Variants in NEK1 observed in about 807,000 individuals in gnomAD.
The protein encoded by NEK1 is serine/threonine-protein kinase Nek1.
A neutral mutation model predicts 182.1 loss-of-function variants in NEK1; 137 were observed. The ratio of observed to expected loss-of-function variants is 0.75; its 90% CI spans 0.65 to 0.87. NEK1 has a LOEUF of 0.87. NEK1 is among the 40% of genes least tolerant of loss of function. NEK1 has a pLI of 0.00. For synonymous variants in NEK1, 513 were observed against 492.2 expected, an observed-to-expected ratio of 1.04 and a Z score of -0.56; for missense variants, 1,391 against 1,494.4, an observed-to-expected ratio of 0.93 and a Z score of 1.14.
chr4:169,553,107 T>C (rs1037496557), intron 18 of NEK1, among the ~76,000 whole-genome samples: 5 of 152,148 alleles, frequency 3.3e-5, no homozygotes, highest in East Asian at 1.9e-4. Context: ...AGAACCGGAA[T>C]AGCCAACTCA....
At chr4:169,457,584 G>T (rs564515445) in intron 27 of NEK1, among the ~76,000 whole-genome samples, 2 of 150,388 alleles carry the variant, frequency 1.3e-5, no homozygotes, top group Non-Finnish European at 3.0e-5. Context: ...AGACTCCATT[G>T]CTGTTAGAAA....
chr4:169,426,069 A>G (rs1231859341), intron 30 of NEK1, 77 bp downstream of exon 30: 1 of 1,031,890 alleles, frequency 9.7e-7, no homozygotes, highest in Non-Finnish European at 1.5e-6. Context: ...TTTATATATT[A>G]CCCAAATAAA....
chr4:169,479,358 A>G, intron 24 of NEK1, 45 bp downstream of exon 24: 1 of 1,554,894 alleles, frequency 6.4e-7, no homozygotes, highest in Non-Finnish European at 8.7e-7. Context: ...TTTCCTTTTA[A>G]ATAATCTTTT....
At position 169,401,645 on chromosome 4, in the gene NEK1, C is replaced by A; in HGVS notation, c.3583+7G>T. 1.9e-6 allele frequency: 3 copies of A among 1,611,156 alleles called. No individual in the cohort carries two copies. Among genetic ancestry groups the A allele is most frequent in the Non-Finnish European group, 2.5e-6 (3 of 1,177,782 alleles). ...AAAGAAAAAGGTCCAAAACTCTGAT[C>A]ATGCACCTGAGTGCCATTCTTCGTT... On this transcript the variant is annotated splice_region_variant and intron_variant, in intron 33 of 35. Coordinates refer to ENST00000507142, the MANE Select transcript of NEK1 (RefSeq NM_001199397.3).
At chr4:169,444,769 C>A (rs1274511779) in intron 27 of NEK1, among the ~76,000 whole-genome samples, 2 of 152,190 alleles carry the variant, frequency 1.3e-5, no homozygotes, top group Non-Finnish European at 2.9e-5. Flanking sequence ...CAGACATCTA[C>A]AGAACACATC....
At chr4:169,435,633 G>T (rs1476764373) in intron 28 of NEK1, among the ~76,000 whole-genome samples, 1 of 152,150 alleles carries the variant, frequency 6.6e-6, no homozygotes, top group African/African-American at 2.4e-5. Context: ...GCCTTTAAGA[G>T]AACTGGGAAC....
At chr4:169,525,761 G>A (rs985084556) in intron 19 of NEK1, among the ~76,000 whole-genome samples, 1 of 152,164 alleles carries the variant, frequency 6.6e-6, no homozygotes, top group African/African-American at 2.4e-5. Context: ...ACTTTGCAAT[G>A]CTGCCTTATC....
At chr4:169,579,978 AT>A (rs1456863242) in intron 11 of NEK1, among the ~76,000 whole-genome samples, 1 of 152,200 alleles carries the variant, frequency 6.6e-6, no homozygotes, top group Non-Finnish European at 1.5e-5. Context: ...ACTTCCATTG[AT>A]TTTAGAAATC....
intron 23 of NEK1, among the ~76,000 whole-genome samples, chr4:169,485,561 GA>G (rs1432964213): frequency 6.6e-6 from 1 of 152,056 alleles, no homozygotes; most frequent in Admixed American, 6.5e-5. Flanking sequence ...CTTTTATACG[GA>G]AAGTTGAGCA....
intron 27 of NEK1, among the ~76,000 whole-genome samples, chr4:169,440,361 A>G (rs1739213052): frequency 6.6e-6 from 1 of 152,174 alleles, no homozygotes; most frequent in African/African-American, 2.4e-5. Flanking sequence ...AAGGGATATT[A>G]CCTTTCAGGC....
chr4:169,560,404 A>G (rs1418305382), intron 16 of NEK1, among the ~76,000 whole-genome samples: 2 of 152,274 alleles, frequency 1.3e-5, no homozygotes, highest in African/African-American at 2.4e-5. Context: ...CTTCCAGGTG[A>G]GCAGAATTCT....
Position 169,424,633 on chromosome 4 carries a change from G to A in NEK1, c.3142C>T (p.His1048Tyr). ...EESFAFRSHS[H>Y]LPPKNKNKNS... ...TTGTTTTTATTTTTTGGTGGTAAATGCGAGTGAGATCGAAATGCAAAGGAT... is the reference window on the plus strand; with the variant it reads ...TTGTTTTTATTTTTTGGTGGTAAATACGAGTGAGATCGAAATGCAAAGGAT... Residue 1048 changes from histidine (H) to tyrosine (Y), a missense_variant, in exon 31 of 36, where the codon CAT becomes TAT. This residue lies in a region of NEK1 where 1,216 missense variants were observed against 1,277.6 expected (regional missense o/e 0.95). Transcript: ENST00000507142. 6.2e-7 allele frequency: 1 copy of A among 1,613,728 alleles called. No individual in the cohort carries two copies. The highest frequency in any genetic ancestry group is 8.5e-7 in the Non-Finnish European group (1 of 1,179,710).
At chr4:169,473,199 T>C (rs1746334214) in intron 26 of NEK1, among the ~76,000 whole-genome samples, 1 of 150,058 alleles carries the variant, frequency 6.7e-6, no homozygotes, top group Non-Finnish European at 1.5e-5. Flanking sequence ...CCAGAAATTT[T>C]AAGATACAGT....
In NEK1 at chr4:169,507,088, T is replaced by C. The variant is rs1561315561; in HGVS notation, c.1956A>G (p.Glu652=). The change falls in exon 23 of 36, where the codon GAA becomes GAG. Residue 652 remains glutamate (E), a synonymous_variant. Coordinates refer to ENST00000507142, the MANE Select transcript of NEK1 (RefSeq NM_001199397.3). ...TCTCATAAGCCTCCTTTCTCTTTCGTTCTAGTTGTTCTTTTAGTACAGCAG... is the reference window on the plus strand; with the variant it reads ...TCTCATAAGCCTCCTTTCTCTTTCGCTCTAGTTGTTCTTTTAGTACAGCAG... ...ARAAVLKEQL[E]RKRKEAYERE... 6.2e-7 allele frequency: 1 copy of C among 1,610,672 alleles called. No homozygotes were observed. The highest frequency in any genetic ancestry group is 1.7e-5 in the Admixed American group (1 of 59,908).
chr4:169,589,211 C>A (rs1768023761), intron 7 of NEK1, among the ~76,000 whole-genome samples: 1 of 152,180 alleles, frequency 6.6e-6, no homozygotes, highest in Non-Finnish European at 1.5e-5. Context: ...ATAGGCTACA[C>A]CATACAGCCT....
chr4:169,562,625 T>C (rs567181336), intron 12 of NEK1, among the ~76,000 whole-genome samples: 1 of 152,250 alleles, frequency 6.6e-6, no homozygotes, highest in East Asian at 1.9e-4. Context: ...GTAACCACTG[T>C]TAATATTTTC....
At chr4:169,425,442 GA>G (rs35489092) in intron 30 of NEK1, among the ~76,000 whole-genome samples, 238 of 100,566 alleles carry the variant, frequency 2.4e-3, no homozygotes, top group Non-Finnish European at 3.5e-3. Flanking sequence ...CAAACAAAAT[GA>G]AAAAAAAAAA....
intron 31 of NEK1, among the ~76,000 whole-genome samples, 194 bp downstream of exon 31, chr4:169,424,359 G>T (rs1735996159): frequency 6.6e-6 from 1 of 152,080 alleles, no homozygotes; most frequent in African/African-American, 2.4e-5. Flanking sequence ...TCCTGAACAG[G>T]AAGCCAATGA....
At chr4:169,419,606 G>C (rs1735131497) in intron 31 of NEK1, among the ~76,000 whole-genome samples, 1 of 152,192 alleles carries the variant, frequency 6.6e-6, no homozygotes, top group African/African-American at 2.4e-5. Flanking sequence ...AGGACAGGCA[G>C]GACGGGAATG....
Sources: allele counts gnomAD v4.1 joint callset (sites outside exome capture counted in the v4.1 genomes callset), GRCh38; gene constraint gnomAD v4.1.1; regional missense constraint gnomAD v4.1.1; transcripts MANE v1.5; gene names NCBI Gene and HGNC (gene_info 2026-07-23, HGNC 2026-07-21).